Variants in CTBP2 observed in about 807,000 individuals in gnomAD.
CTBP2 encodes C-terminal binding protein 2, also known as C-terminal-binding protein 2.
In CTBP2, 30 loss-of-function variants were observed where a neutral mutation model predicts 80.3. That is an observed-to-expected ratio of 0.37 (90% CI 0.28 to 0.51). The LOEUF (loss-of-function observed/expected upper bound fraction) is 0.51. CTBP2 is among the 20% of genes least tolerant of loss of function. The probability of loss-of-function intolerance (pLI) is 0.93; values close to 1 mark genes in which losing one functional copy is unlikely to be tolerated. For synonymous variants in CTBP2, 594 were observed against 587.4 expected (o/e 1.01, Z -0.16); for missense variants, 1,212 against 1,375.3 (o/e 0.88, Z 1.88).
chr10:125,074,593 G>A (rs865802062), intron 2 of CTBP2, among the ~76,000 whole-genome samples: 3 of 152,304 alleles, frequency 2.0e-5, no homozygotes, highest in South Asian at 4.1e-4. Flanking sequence ...TGATCCGCCC[G>A]CCTCGGCCTC....
chr10:125,077,177 C>T (rs533430326), intron 2 of CTBP2, among the ~76,000 whole-genome samples: 3 of 152,114 alleles, frequency 2.0e-5, no homozygotes, highest in East Asian at 1.9e-4. Flanking sequence ...TGTCAGGCAC[C>T]GCTACCACCA....
chr10:125,027,538 G>A lies in CTBP2; in HGVS notation c.222C>T (p.Ala74=), dbSNP rs757326867. Residue 74 remains alanine, a synonymous_variant, in exon 1 of 9, where the codon GCC becomes GCT. Coordinates refer to ENST00000309035, the MANE Select transcript of CTBP2 (RefSeq NM_022802.3). Reference sequence around the variant, plus strand: ...TTCTTGCAGCCACTGAGTTATAAACGGCCTCCCGGTACAGGTAGGGCTCGG... The same window carrying A: ...TTCTTGCAGCCACTGAGTTATAAACAGCCTCCCGGTACAGGTAGGGCTCGG... The A allele has an allele frequency of 1.4e-5, 22 of 1,613,888 alleles. No homozygotes were observed. The highest frequency in any genetic ancestry group is 1.3e-4 in the South Asian group (12 of 91,080).
At chr10:125,031,821 C>T (rs964026914), upstream of CTBP2, among the ~76,000 whole-genome samples, 3 of 152,232 alleles carry the variant, frequency 2.0e-5, no homozygotes, top group Non-Finnish European at 2.9e-5. Context: ...TGGGCACCCA[C>T]GCAACGCGCC....
chr10:124,991,441 T>G (rs562353336), intron 8 of CTBP2, among the ~76,000 whole-genome samples: 1 of 152,272 alleles, frequency 6.6e-6, no homozygotes, highest in Non-Finnish European at 1.5e-5. Context: ...GGGAATCTGG[T>G]GCTGTGATAG....
In CTBP2 at chr10:125,105,756, A is replaced by G. The variant is rs78719563; in HGVS notation, c.-102+5234T>C. ...CAGCAATGGTAACGCATAAATGTTA[A>G]GCAAAAATATTTACAGAAAGAAATA... On this transcript the variant is annotated intron_variant, in intron 2 of 10. Transcript: ENST00000337195. Among the ~76,000 whole-genome samples the G allele has an allele frequency of 2.9e-3, 440 of 152,390 alleles. 10 individuals are homozygous for G. In the East Asian group the frequency reaches 0.062, roughly 21 times the overall value.
Position 125,026,191 on chromosome 10 carries a change from G to T in CTBP2, c.1569C>A (p.Thr523=). 6.2e-7 allele frequency: 1 copy of T among 1,612,580 alleles called. No individual in the cohort carries two copies. Among genetic ancestry groups the T allele is most frequent in the Non-Finnish European group, 8.5e-7 (1 of 1,179,132 alleles). Reference sequence around the variant, plus strand: ...GGAGGCTCTGGCTGGCCGGCGGCAGGGTGGATGGCCCCAGGGGTGCACCTG... The same window carrying T: ...GGAGGCTCTGGCTGGCCGGCGGCAGTGTGGATGGCCCCAGGGGTGCACCTG... The change falls in exon 1 of 9, where the codon ACC becomes ACA. Residue 523 remains threonine (T), a synonymous_variant. Transcript: ENST00000309035.
chr10:125,097,029 T>C (rs1022666704), intron 2 of CTBP2, among the ~76,000 whole-genome samples: 4 of 152,248 alleles, frequency 2.6e-5, no homozygotes, highest in Admixed American at 2.0e-4. Context: ...TCTCAGTATA[T>C]AAAACTGTCT....
chr10:124,986,267 GAC>G lies in CTBP2; in HGVS notation c.*3249_*3250del. 1 of 132,962 alleles carries G rather than the reference GAC, an allele frequency of 7.5e-6. No individual in the cohort carries two copies. The highest frequency in any genetic ancestry group is 2.6e-4 in the South Asian group (1 of 3,806). 8.2% of individuals were successfully genotyped at this position (132,962 alleles called of 1,614,324 possible). On this transcript the variant is annotated 3_prime_UTR_variant, in exon 9 of 9. Transcript: ENST00000309035. ...ATTGATGTGGCCAGGAATTTGGAAAGACGACACACGCACGCGCGCGCGCGCAC... is the reference window on the plus strand; with the variant it reads ...ATTGATGTGGCCAGGAATTTGGAAAGGACACACGCACGCGCGCGCGCGCAC...
At chr10:125,106,220 C>G (rs549512879) in intron 2 of CTBP2, among the ~76,000 whole-genome samples, 4,079 of 152,012 alleles carry the variant, frequency 0.027, 177 homozygotes, top group African/African-American at 0.093. Flanking sequence ...GGCCCCACTT[C>G]ACATGGACCA....
At chr10:125,086,353 G>A (rs943934242) in intron 2 of CTBP2, among the ~76,000 whole-genome samples, 9 of 152,130 alleles carry the variant, frequency 5.9e-5, no homozygotes, top group South Asian at 4.1e-4. Context: ...CCAACACAGC[G>A]AAACCTCATC....
In CTBP2 at chr10:125,040,454, T is replaced by TAAAAAA. The variant is rs747855375; in HGVS notation, c.-101-1305_-101-1300dup. The stretch of plus-strand genomic sequence containing the variant: ...TGGTGACAGAGCAAGACTCTGTCTT[T>TAAAAAA]AAAAAAAAAAAAAAAAAAAAAAAGG... On this transcript the variant is annotated intron_variant, in intron 2 of 10. Coordinates refer to the CTBP2 transcript ENST00000337195. Among the ~76,000 whole-genome samples the TAAAAAA allele has an allele frequency of 4.8e-5, 5 of 104,448 alleles. 1 individual carries two copies. Among genetic ancestry groups the TAAAAAA allele is most frequent in the South Asian group, 3.4e-4 (1 of 2,912 alleles). The allele number at this position is 104,448 out of a possible 152,430, so 68.5% of individuals were successfully genotyped here.
intron 2 of CTBP2, among the ~76,000 whole-genome samples, chr10:125,098,861 A>G (rs1276001924): frequency 6.6e-6 from 1 of 152,092 alleles, no homozygotes. Context: ...GCTACAGCAA[A>G]GACCAAGGGG....
intron 2 of CTBP2, among the ~76,000 whole-genome samples, chr10:125,050,144 G>C (rs1962365351): frequency 6.6e-6 from 1 of 152,196 alleles, no homozygotes; most frequent in Non-Finnish European, 1.5e-5. Flanking sequence ...TATGAGGGCA[G>C]ATACTCTATG....
At chr10:125,064,127 T>C (rs1249626588) in intron 2 of CTBP2, among the ~76,000 whole-genome samples, 2 of 152,212 alleles carry the variant, frequency 1.3e-5, no homozygotes, top group Non-Finnish European at 2.9e-5. Flanking sequence ...AGCTTATATA[T>C]ATGGTGTGGA....
intron 1 of CTBP2, among the ~76,000 whole-genome samples, chr10:125,156,953 T>C (rs1861026081): frequency 6.6e-6 from 1 of 152,226 alleles, no homozygotes; most frequent in Non-Finnish European, 1.5e-5. Context: ...AGATTAACAA[T>C]GGCAGGGAAA....
At chr10:125,126,269 G>A (rs1194316929) in intron 1 of CTBP2, among the ~76,000 whole-genome samples, 1 of 152,234 alleles carries the variant, frequency 6.6e-6, no homozygotes, top group Non-Finnish European at 1.5e-5. Context: ...CTAGCAAGAC[G>A]CTGTGATTCT....
intron 2 of CTBP2, among the ~76,000 whole-genome samples, chr10:125,039,983 G>A (rs532947232): frequency 1.3e-5 from 2 of 152,160 alleles, no homozygotes; most frequent in Admixed American, 1.3e-4. Context: ...ACCTGACTGC[G>A]GCCTGGGGAA....
intron 1 of CTBP2, among the ~76,000 whole-genome samples, chr10:125,147,309 C>A (rs1858959823): frequency 1.3e-5 from 2 of 152,208 alleles, no homozygotes; most frequent in African/African-American, 4.8e-5. Flanking sequence ...GTGGCTGGGG[C>A]AGCACTGGGC....
intron 2 of CTBP2, among the ~76,000 whole-genome samples, chr10:125,091,230 T>C (rs1848716490): frequency 6.6e-6 from 1 of 152,154 alleles, no homozygotes; most frequent in African/African-American, 2.4e-5. Context: ...CTATGCACAA[T>C]CTGCCATATC....
Sources: allele counts gnomAD v4.1 joint callset (sites outside exome capture counted in the v4.1 genomes callset), GRCh38; gene constraint gnomAD v4.1.1; transcripts MANE v1.5; gene names NCBI Gene and HGNC (gene_info 2026-07-23, HGNC 2026-07-21).